Variants in ADK observed in about 807,000 individuals in gnomAD.
ADK encodes the protein adenosine kinase.
ADK carries 24 observed loss-of-function variants against 44.7 expected under a neutral mutation model. That is an observed-to-expected ratio of 0.54 (90% CI 0.39 to 0.76). The LOEUF is 0.76. Ranked by LOEUF, ADK falls within the 30% of genes least tolerant of loss-of-function variation. ADK has a pLI of 0.00. For synonymous variants in ADK, 128 were observed against 142.6 expected (o/e 0.90, Z 0.73); for missense variants, 321 against 425.1 (o/e 0.76, Z 2.15).
intron 4 of ADK, among the ~76,000 whole-genome samples, chr10:74,349,039 A>G (rs1348707336): frequency 4.0e-5 from 6 of 151,886 alleles, no homozygotes. Context: ...ACAGGCCAAC[A>G]CTCAAATTTG....
At chr10:74,689,270 AAAT>A (rs1855899335) in intron 10 of ADK, among the ~76,000 whole-genome samples, 1 of 151,798 alleles carries the variant, frequency 6.6e-6, no homozygotes. Flanking sequence ...ATAAATAAAT[AAAT>A]AATAAAATAA....
intron 4 of ADK, among the ~76,000 whole-genome samples, chr10:74,392,416 G>A (rs1373688721): frequency 2.0e-5 from 3 of 152,068 alleles, no homozygotes; most frequent in Non-Finnish European, 4.4e-5. Flanking sequence ...TACTGATGTT[G>A]AACATCTTTT....
chr10:74,466,058 T>C (rs551892461), intron 6 of ADK, among the ~76,000 whole-genome samples: 5 of 152,270 alleles, frequency 3.3e-5, no homozygotes, highest in African/African-American at 1.2e-4. Flanking sequence ...ACATATACTG[T>C]ATAATGTTTT....
chr10:74,235,396 A>C (rs190756085), intron 3 of ADK, among the ~76,000 whole-genome samples: 138 of 152,216 alleles, frequency 9.1e-4, no homozygotes, highest in African/African-American at 3.1e-3. Flanking sequence ...GTTGAGTGGC[A>C]TGATCATAGT....
intron 3 of ADK, among the ~76,000 whole-genome samples, chr10:74,314,370 A>T (rs1456788859): frequency 2.0e-5 from 3 of 152,016 alleles, no homozygotes; most frequent in African/African-American, 7.2e-5. Context: ...TTGCCACGTG[A>T]CCTCCATTTG....
chr10:74,665,810 G>C (rs1201366057), intron 9 of ADK, among the ~76,000 whole-genome samples: 4 of 150,590 alleles, frequency 2.7e-5, no homozygotes, highest in Admixed American at 6.6e-5. Flanking sequence ...AATGAAGAAA[G>C]GAAGGAAAAG....
chr10:74,220,340 C>T (rs1168019392), intron 2 of ADK, among the ~76,000 whole-genome samples: 4 of 152,074 alleles, frequency 2.6e-5, no homozygotes, highest in African/African-American at 4.8e-5. Context: ...AATCTCTGAA[C>T]AGACCAATAA....
chr10:74,509,754 C>A (rs1011399988), intron 6 of ADK, among the ~76,000 whole-genome samples: 1 of 152,092 alleles, frequency 6.6e-6, no homozygotes, highest in African/African-American at 2.4e-5. Context: ...ACTTTCCCAG[C>A]CTCCAATATC....
chr10:74,467,360 A>G lies in ADK; in HGVS notation c.556-57896A>G, dbSNP rs527828249. On this transcript the variant is annotated intron_variant, in intron 6 of 10. Transcript: ENST00000539909. Reference sequence around the variant, plus strand: ...AAGAACAATAAACTGCCATTTCTGGACATCTCTATCCTGAGTTGATAGTAC... The same window carrying G: ...AAGAACAATAAACTGCCATTTCTGGGCATCTCTATCCTGAGTTGATAGTAC... Among the ~76,000 whole-genome samples the G allele has an allele frequency of 2.0e-5, 3 of 152,270 alleles. No individual in the cohort carries two copies. In the East Asian group the frequency reaches 5.8e-4, roughly 29 times the overall value.
intron 6 of ADK, among the ~76,000 whole-genome samples, chr10:74,453,679 AG>A (rs1166795052): frequency 6.6e-6 from 1 of 152,076 alleles, no homozygotes; most frequent in Non-Finnish European, 1.5e-5. Flanking sequence ...AAAATTCTAT[AG>A]TAAAGGATTG....
chr10:74,495,717 C>A (rs1483332468), intron 6 of ADK, among the ~76,000 whole-genome samples: 2 of 152,100 alleles, frequency 1.3e-5, no homozygotes, highest in African/African-American at 4.8e-5. Context: ...CCTAGCCTAC[C>A]TTCCCTCCAT....
At chr10:74,182,388 GAC>G (rs1223652465) in intron 1 of ADK, among the ~76,000 whole-genome samples, 13 of 66,706 alleles carry the variant, frequency 1.9e-4, no homozygotes, top group Non-Finnish European at 4.4e-4. Flanking sequence ...TTATTTTTGA[GAC>G]ACAGTTATAC....
chr10:74,406,397 G>T (rs940784152), intron 6 of ADK, among the ~76,000 whole-genome samples: 1 of 151,948 alleles, frequency 6.6e-6, no homozygotes, highest in South Asian at 2.1e-4. Flanking sequence ...CCTTGGCATA[G>T]TTTTATATTT....
intron 6 of ADK, among the ~76,000 whole-genome samples, chr10:74,434,979 G>C (rs1344283388): frequency 6.6e-6 from 1 of 152,138 alleles, no homozygotes; most frequent in African/African-American, 2.4e-5. Context: ...CACTATATAT[G>C]GGTCTATGTT....
chr10:74,360,273 A>G (rs1276061622), intron 4 of ADK, among the ~76,000 whole-genome samples: 3 of 151,776 alleles, frequency 2.0e-5, no homozygotes, highest in Non-Finnish European at 2.9e-5. Flanking sequence ...ATGTTTTTAT[A>G]TTTCTAGTCT....
chr10:74,227,185 A>G (rs913538004), intron 3 of ADK, among the ~76,000 whole-genome samples: 8 of 152,222 alleles, frequency 5.3e-5, no homozygotes, highest in Admixed American at 6.5e-5. Flanking sequence ...TTTAAACAAT[A>G]TAAGAGATAT....
chr10:74,673,732 G>A (rs772202304), intron 10 of ADK, among the ~76,000 whole-genome samples: 3 of 152,132 alleles, frequency 2.0e-5, no homozygotes, highest in African/African-American at 4.8e-5. Flanking sequence ...GTTCTTGTCC[G>A]GCATCCAGGA....
chr10:74,317,875 G>A (rs911934153), intron 4 of ADK, among the ~76,000 whole-genome samples: 12 of 151,942 alleles, frequency 7.9e-5, no homozygotes, highest in South Asian at 2.1e-4. Context: ...TCTGCCTCCC[G>A]GGTTCAAGTG....
At chr10:74,489,506 A>C (rs1195633186) in intron 6 of ADK, among the ~76,000 whole-genome samples, 1 of 151,978 alleles carries the variant, frequency 6.6e-6, no homozygotes, top group Admixed American at 6.6e-5. Context: ...CATATGTGAA[A>C]AAAAGTCTTT....
Sources: gnomAD v4.1 joint callset for allele counts (sites outside exome capture counted in the v4.1 genomes callset) on GRCh38, gnomAD v4.1.1 for gene constraint, MANE v1.5 for transcripts, NCBI Gene and HGNC (gene_info 2026-07-23, HGNC 2026-07-21) for gene names.